CPLANE1: variants seen among roughly 807,000 people sequenced by gnomAD.
CPLANE1 encodes ciliogenesis and planar polarity effector 1.
Under a neutral mutation model 362.5 loss-of-function variants are expected in CPLANE1, and 263 were observed. The observed-to-expected ratio is 0.73, with a 90% confidence interval of 0.66 to 0.80. The LOEUF (loss-of-function observed/expected upper bound fraction) is 0.80. Ranked by LOEUF, CPLANE1 falls within the 30% of genes least tolerant of loss-of-function variation. The pLI, the probability that CPLANE1 is intolerant of heterozygous loss-of-function variation, is 0.00. For missense variants in CPLANE1, 3,461 were observed against 3,793.4 expected, an observed-to-expected ratio of 0.91 and a Z score of 2.30; for synonymous variants, 1,212 against 1,302.6, an observed-to-expected ratio of 0.93 and a Z score of 1.50.
intron 19 of CPLANE1, among the ~76,000 whole-genome samples, chr5:37,201,169 A>T (rs1438323299): frequency 6.6e-6 from 1 of 152,172 alleles, no homozygotes; most frequent in African/African-American, 2.4e-5. Flanking sequence ...AAGAGACTGA[A>T]ATAATGTATG....
At chr5:37,160,553 C>G (rs1580293477) in intron 38 of CPLANE1, among the ~76,000 whole-genome samples, 1 of 143,414 alleles carries the variant, frequency 7.0e-6, no homozygotes, top group East Asian at 2.1e-4. Flanking sequence ...GGAAACAGAG[C>G]AAGACTCCAT....
the CPLANE1 span, among the ~76,000 whole-genome samples, chr5:37,077,948 T>C: frequency 6.6e-6 from 1 of 152,118 alleles, no homozygotes; most frequent in Non-Finnish European, 1.5e-5. Flanking sequence ...GGGATCTCCC[T>C]TTGTTTGTTG....
chr5:37,203,272 G>C (rs780541928), intron 18 of CPLANE1, among the ~76,000 whole-genome samples: 1 of 152,042 alleles, frequency 6.6e-6, no homozygotes, highest in Non-Finnish European at 1.5e-5. Context: ...CCACAGAAAT[G>C]GAATCATACG....
At chr5:37,149,250 T>C (rs1772749789) in intron 42 of CPLANE1, among the ~76,000 whole-genome samples, 1 of 152,158 alleles carries the variant, frequency 6.6e-6, no homozygotes, top group Non-Finnish European at 1.5e-5. Context: ...TCAGTATCTA[T>C]GAGGGATTGG....
rs1247860468 is a variant in CPLANE1, at chr5:37,180,893, C to A, written c.5534G>T (p.Arg1845Ile). 6.2e-7 allele frequency: 1 copy of A among 1,614,134 alleles called. No homozygotes were observed. Among genetic ancestry groups the A allele is most frequent in the East Asian group, 2.2e-5 (1 of 44,878 alleles). ...TTGACAAGATTTATTCTGACCATTT[C>A]TTTCCTCAGTTCCACCTGGAGTTGC... ...AVATPGGTEE[R>I]NGQNKSCQNI... Residue 1845 changes from arginine (R) to isoleucine (I), a missense_variant, in exon 27 of 53, where the codon AGA (arginine) becomes ATA (isoleucine). This residue lies in a region of CPLANE1 where 3,380 missense variants were observed against 3,666.1 expected (regional missense o/e 0.92). Coordinates refer to ENST00000651892, the MANE Select transcript of CPLANE1 (RefSeq NM_001384732.1).
At chr5:37,159,885 A>G (rs966564870) in intron 38 of CPLANE1, among the ~76,000 whole-genome samples, 1 of 152,208 alleles carries the variant, frequency 6.6e-6, no homozygotes, top group African/African-American at 2.4e-5. Flanking sequence ...GCAAGAAATT[A>G]TTTGCTGCTT....
intron 8 of CPLANE1, among the ~76,000 whole-genome samples, 175 bp from the exon 9 acceptor site, chr5:37,231,224 A>C (rs1305697455): frequency 1.3e-5 from 2 of 152,244 alleles, no homozygotes; most frequent in Non-Finnish European, 2.9e-5. Flanking sequence ...AGAACAAAGG[A>C]GTTTGCTCAT....
At chr5:37,111,281 T>C (rs301905) in intron 51 of CPLANE1, among the ~76,000 whole-genome samples, 76,478 of 150,160 alleles carry the variant, frequency 0.51, 22,281 homozygotes, top group African/African-American at 0.82. Context: ...CCACCATGCC[T>C]AGCTAATTTT....
rs1340915184 is a variant in CPLANE1 at position 37,201,725 on chromosome 5, T to C, written c.3373A>G (p.Ile1125Val). The part of the protein sequence containing the change: ...LKASVMADAD[I>V]LSETFQLLID... The stretch of plus-strand genomic sequence containing the variant: ...AGAAGTTGAAATGTCTCCGAAAGAA[T>C]ATCTGCATCGGCCATAACTGATGCT... Residue 1125 changes from isoleucine (I) to valine (V), a missense_variant, in exon 19 of 53, where the codon ATT becomes GTT. Physicochemically the swap from Ile to Val is conservative, Grantham distance 29 (BLOSUM62 3). Around this residue, in one of 2 missense-constraint regions of CPLANE1, gnomAD observed 3,380 missense variants for 3,666.1 expected, o/e 0.92. Transcript: ENST00000651892. 11 of 1,614,180 alleles carry C rather than the reference T, an allele frequency of 6.8e-6. No individual in the cohort carries two copies. The highest frequency in any genetic ancestry group is 1.7e-5 in the Admixed American group (1 of 60,022).
the CPLANE1 span, among the ~76,000 whole-genome samples, chr5:37,099,479 C>G: frequency 6.6e-6 from 1 of 152,154 alleles, no homozygotes; most frequent in Non-Finnish European, 1.5e-5. Context: ...GATCTCGTTA[C>G]TTTTTATGGC....
chr5:37,115,404 C>A, intron 50 of CPLANE1, among the ~76,000 whole-genome samples: 1 of 152,028 alleles, frequency 6.6e-6, no homozygotes, highest in East Asian at 1.9e-4. Flanking sequence ...ATTTTATCAA[C>A]CGAATGATTA....
chr5:37,167,679 G>T (rs1456802189), intron 34 of CPLANE1, among the ~76,000 whole-genome samples: 2 of 152,190 alleles, frequency 1.3e-5, no homozygotes, highest in African/African-American at 4.8e-5. Context: ...TTGGGAGGCT[G>T]AGGCAGGAGA....
chr5:37,245,779 T>A lies in CPLANE1; in HGVS notation c.148A>T (p.Ile50Leu), dbSNP rs1397093792. Residue 50 changes from isoleucine (I) to leucine (L), a missense_variant, in exon 3 of 53, where the codon ATA becomes TTA. Ile to Leu is a conservative substitution (Grantham distance 5, BLOSUM62 2). This residue lies in a region of CPLANE1 where 3,380 missense variants were observed against 3,666.1 expected (regional missense o/e 0.92). Coordinates refer to ENST00000651892, the MANE Select transcript of CPLANE1 (RefSeq NM_001384732.1). ...TGCAGACTAGGAATTTTCTTCTTTATCTTTCCTGATAGCAAATTAATTTCA... is the reference window on the plus strand; with the variant it reads ...TGCAGACTAGGAATTTTCTTCTTTAACTTTCCTGATAGCAAATTAATTTCA... ...INEINLLSGKIKKKIPSLQPF... is the reference protein window; with the variant it reads ...INEINLLSGKLKKKIPSLQPF... The A allele has an allele frequency of 6.5e-7, 1 of 1,535,606 alleles. No homozygotes were observed. The highest frequency in any genetic ancestry group is 1.3e-5 in the South Asian group (1 of 78,750).
intron 18 of CPLANE1, among the ~76,000 whole-genome samples, chr5:37,205,002 C>G (rs144371122): frequency 6.6e-6 from 1 of 152,086 alleles, no homozygotes. Flanking sequence ...ACAAACACTA[C>G]AAAAATTAGC....
At chr5:37,232,683 A>C (rs900774263) in intron 8 of CPLANE1, among the ~76,000 whole-genome samples, 13 of 151,636 alleles carry the variant, frequency 8.6e-5, no homozygotes, top group Non-Finnish European at 1.5e-4. Flanking sequence ...CCAAAAAAAA[A>C]CAAAAAAACA....
chr5:37,227,309 G>C lies in CPLANE1; in HGVS notation c.1455C>G (p.Ala485=), dbSNP rs1037703636. The change falls in exon 11 of 53, where the codon GCC becomes GCG. Residue 485 remains alanine, a synonymous_variant. Coordinates refer to ENST00000651892, the MANE Select transcript of CPLANE1 (RefSeq NM_001384732.1). ...LLEHQGNESS[A]DFTVPKFLQA... is the part of the protein sequence containing the mutation. ...GCAAGAATTTGGGGACAGTGAAATC[G>C]GCTGAACTTTCATTTCCTTGGTGTT... The C allele has an allele frequency of 1.9e-6, 3 of 1,551,998 alleles. No homozygotes were observed. Among genetic ancestry groups the C allele is most frequent in the East Asian group, 2.4e-5 (1 of 40,868 alleles).
intron 20 of CPLANE1, 53 bp downstream of exon 20, chr5:37,198,649 A>G (rs1300691156): frequency 2.7e-6 from 4 of 1,493,538 alleles, no homozygotes; most frequent in Non-Finnish European, 2.7e-6. Context: ...AATAATATAA[A>G]TATGAGTAAT....
At chr5:37,124,768 T>G (rs1200807946) in intron 47 of CPLANE1, 6 of 408,052 alleles carry the variant, frequency 1.5e-5, no homozygotes, top group Middle Eastern at 1.3e-3. Flanking sequence ...TTGCCCAGGA[T>G]GCTCTCAACT....
In CPLANE1 at chr5:37,209,241, G is replaced by C. The variant is rs1791880301; in HGVS notation, c.2921-2816C>G. Reference sequence around the variant, plus strand: ...ACCCTTGTTCCTCCCGACCCCTCAGGACAGAAGCAGGGCTCTGGAGGGCAG... The same window carrying C: ...ACCCTTGTTCCTCCCGACCCCTCAGCACAGAAGCAGGGCTCTGGAGGGCAG... On this transcript the variant is annotated intron_variant, in intron 16 of 52. Transcript: ENST00000651892. The surrounding 1 kb of genome is among the most constrained non-coding windows in gnomAD (Gnocchi z 4.6). 1 of 646,496 alleles carries C rather than the reference G, an allele frequency of 1.5e-6. No individual in the cohort carries two copies. The highest frequency in any genetic ancestry group is 1.8e-5 in the African/African-American group (1 of 55,426). The allele number at this position is 646,496 out of a possible 1,614,324, so 40.0% of individuals were successfully genotyped here.
Sources: allele counts gnomAD v4.1 joint callset (sites outside exome capture counted in the v4.1 genomes callset), GRCh38; gene constraint gnomAD v4.1.1; regional missense constraint gnomAD v4.1.1; non-coding constraint Gnocchi (gnomAD v3.1); transcripts MANE v1.5; gene names NCBI Gene and HGNC (gene_info 2026-07-23, HGNC 2026-07-21).